CTNNA3: variants seen among roughly 807,000 people sequenced by gnomAD.
CTNNA3 encodes catenin alpha-3.
Under a neutral mutation model 95.7 loss-of-function variants are expected in CTNNA3, and 76 were observed. That is an observed-to-expected ratio of 0.79 (90% CI 0.66 to 0.96). The LOEUF is 0.96. Among genes scored for constraint, CTNNA3 ranks in the 40% least tolerant of loss-of-function variants. The probability of loss-of-function intolerance (pLI) is 0.00; values close to 1 mark genes in which losing one functional copy is unlikely to be tolerated. For synonymous variants in CTNNA3, 431 were observed against 374.4 expected (o/e 1.15, Z -1.74); for missense variants, 1,191 against 1,089.8 (o/e 1.09, Z -1.31).
chr10:66,893,892 G>A (rs1291792024), intron 7 of CTNNA3, among the ~76,000 whole-genome samples: 1 of 152,076 alleles, frequency 6.6e-6, no homozygotes, highest in African/African-American at 2.4e-5. Flanking sequence ...CTTTGCAATA[G>A]CAGCACAATT....
chr10:67,577,623 C>T (rs1317733780), intron 3 of CTNNA3, among the ~76,000 whole-genome samples: 2 of 151,144 alleles, frequency 1.3e-5, no homozygotes, highest in African/African-American at 4.9e-5. Context: ...ATGGTAATGC[C>T]TAGGTTTTGT....
At chr10:66,135,556 C>G (rs961809898) in intron 13 of CTNNA3, among the ~76,000 whole-genome samples, 3 of 152,146 alleles carry the variant, frequency 2.0e-5, no homozygotes, top group Non-Finnish European at 4.4e-5. Flanking sequence ...AATAAAATCA[C>G]TATTTTGCTA....
intron 7 of CTNNA3, among the ~76,000 whole-genome samples, chr10:66,790,141 A>C (rs1341440000): frequency 1.3e-5 from 2 of 152,104 alleles, no homozygotes; most frequent in African/African-American, 4.8e-5. Context: ...AGTTAAAGAA[A>C]GCTAACAGAT....
chr10:67,135,530 A>C (rs936918322), intron 7 of CTNNA3, among the ~76,000 whole-genome samples: 4 of 151,944 alleles, frequency 2.6e-5, no homozygotes, highest in Admixed American at 2.6e-4. Context: ...AAATAATTAA[A>C]GGGGTATGGT....
At chr10:67,392,331 A>G (rs1052661284) in intron 5 of CTNNA3, among the ~76,000 whole-genome samples, 8 of 152,212 alleles carry the variant, frequency 5.3e-5, no homozygotes, top group African/African-American at 1.9e-4. Flanking sequence ...GCCATCAGAG[A>G]AATGCAAATC....
chr10:66,132,582 T>C (rs2083162088), intron 13 of CTNNA3, among the ~76,000 whole-genome samples: 1 of 152,126 alleles, frequency 6.6e-6, no homozygotes, highest in South Asian at 2.1e-4. Context: ...CATTCTGCCA[T>C]AAAGGCATAT....
At chr10:67,606,704 T>C (rs1843284935) in intron 3 of CTNNA3, among the ~76,000 whole-genome samples, 153 bp downstream of exon 3, 1 of 152,186 alleles carries the variant, frequency 6.6e-6, no homozygotes, top group Non-Finnish European at 1.5e-5. Context: ...AGCTGTCTAA[T>C]GAGCCACTCT....
At chr10:65,984,564 C>T (rs957942607) in intron 16 of CTNNA3, among the ~76,000 whole-genome samples, 1 of 151,152 alleles carries the variant, frequency 6.6e-6, no homozygotes, top group Middle Eastern at 3.2e-3. Context: ...TAAGATGATA[C>T]TTTTGCTTTC....
chr10:67,468,772 G>T (rs991578560), intron 5 of CTNNA3, among the ~76,000 whole-genome samples: 1 of 152,128 alleles, frequency 6.6e-6, no homozygotes, highest in South Asian at 2.1e-4. Context: ...AGAATTACCA[G>T]GTAGATGAAA....
chr10:67,683,459 A>G (rs1840665441), intron 1 of CTNNA3, among the ~76,000 whole-genome samples: 1 of 152,256 alleles, frequency 6.6e-6, no homozygotes, highest in South Asian at 2.1e-4. Context: ...GACCCAGTGT[A>G]GCCCTTCAGC....
chr10:66,617,530 T>A (rs1208557658), intron 10 of CTNNA3, among the ~76,000 whole-genome samples: 1 of 152,130 alleles, frequency 6.6e-6, no homozygotes, highest in African/African-American at 2.4e-5. Flanking sequence ...CTAAAAACTC[T>A]CAATAAATCA....
chr10:67,614,245 G>A (rs893488122), intron 2 of CTNNA3, among the ~76,000 whole-genome samples: 3 of 152,046 alleles, frequency 2.0e-5, no homozygotes, highest in African/African-American at 4.8e-5. Context: ...CAATCCCTTC[G>A]TAAGACAAAA....
At chr10:66,199,815 T>G (rs1425690378) in intron 13 of CTNNA3, among the ~76,000 whole-genome samples, 1 of 75,854 alleles carries the variant, frequency 1.3e-5, no homozygotes, top group Non-Finnish European at 2.8e-5. Flanking sequence ...ATTTTTTTTT[T>G]TTTTTTTTTT....
At chr10:66,040,087 A>G (rs2133489211) in intron 15 of CTNNA3, among the ~76,000 whole-genome samples, 1 of 152,358 alleles carries the variant, frequency 6.6e-6, no homozygotes, top group South Asian at 2.1e-4. Context: ...CACTTTTCCA[A>G]ACAAGACATA....
chr10:67,191,283 C>T (rs930554035), intron 6 of CTNNA3, among the ~76,000 whole-genome samples: 3 of 151,966 alleles, frequency 2.0e-5, no homozygotes, highest in Admixed American at 6.6e-5. Context: ...AAATAAAAGG[C>T]ATACAAATCA....
At chr10:66,698,028 A>T (rs750394297) in intron 9 of CTNNA3, among the ~76,000 whole-genome samples, 2 of 152,150 alleles carry the variant, frequency 1.3e-5, no homozygotes, top group Non-Finnish European at 2.9e-5. Flanking sequence ...ACAAGAAAAA[A>T]ATCTGAAAAC....
chr10:66,141,687 A>T (rs961822048), intron 13 of CTNNA3, among the ~76,000 whole-genome samples: 1 of 151,330 alleles, frequency 6.6e-6, no homozygotes, highest in Non-Finnish European at 1.5e-5. Flanking sequence ...ATTTTATATA[A>T]ACGATAAATA....
intron 5 of CTNNA3, among the ~76,000 whole-genome samples, chr10:67,386,031 T>C (rs11595163): frequency 0.012 from 1,818 of 152,282 alleles, 20 homozygotes; most frequent in Non-Finnish European, 0.018. Flanking sequence ...TGTCTCTACA[T>C]TGTTTCGAGC....
intron 5 of CTNNA3, chr10:67,334,847 GA>G: frequency 6.0e-6 from 1 of 166,338 alleles, no homozygotes. Flanking sequence ...TGCCAAGCTA[GA>G]AAAGGCAAAG....
Sources: gnomAD v4.1 joint callset for allele counts (sites outside exome capture counted in the v4.1 genomes callset) on GRCh38, gnomAD v4.1.1 for gene constraint, MANE v1.5 for transcripts, NCBI Gene and HGNC (gene_info 2026-07-23, HGNC 2026-07-21) for gene names.